Variants in KMT2B observed in about 807,000 individuals in gnomAD.
KMT2B encodes the protein lysine methyltransferase 2B.
KMT2B carries 22 observed loss-of-function variants against 255.3 expected under a neutral mutation model. The observed-to-expected ratio is 0.09, with a 90% CI of 0.06 to 0.12. The LOEUF is 0.12. Among genes scored for constraint, KMT2B ranks in the 10% least tolerant of loss-of-function variants. The pLI, the probability that KMT2B is intolerant of heterozygous loss-of-function variation, is 1.00. For missense variants in KMT2B, 3,149 were observed against 3,737.0 expected, an observed-to-expected ratio of 0.84 and a Z score of 4.10; for synonymous variants, 1,730 against 1,498.1, an observed-to-expected ratio of 1.15 and a Z score of -3.57.
intron 26 of KMT2B, 124 bp from the exon 27 acceptor site, chr19:35,731,784 T>C (rs1969703508): frequency 2.7e-6 from 2 of 749,704 alleles, no homozygotes; most frequent in Admixed American, 4.5e-5. Context: ...CACTGGAAAC[T>C]GGGGCCTGTT....
At chr19:35,734,461 C>T (rs980564649) in intron 30 of KMT2B, among the ~76,000 whole-genome samples, 13 of 152,086 alleles carry the variant, frequency 8.5e-5, no homozygotes, top group African/African-American at 2.9e-4. Context: ...AGCTAAGGAT[C>T]GGGAGCGGGA....
At position 35,725,408 on chromosome 19, in the gene KMT2B, A is replaced by T; in HGVS notation, c.3643-71A>T. On this transcript the variant is annotated intron_variant, in intron 11 of 36. Coordinates refer to ENST00000420124, the MANE Select transcript of KMT2B (RefSeq NM_014727.3). The surrounding 1 kb of genome is among the most constrained non-coding windows in gnomAD (Gnocchi z 4.1). ...ACGGCCTGATTCCTTGGGCCCTCTC[A>T]GCTGGGTCTCATCCCTTGGCCCTCT... is the stretch of plus-strand genomic sequence containing the variant. 6.3e-7 allele frequency: 1 copy of T among 1,587,128 alleles called. No homozygotes were observed. Among genetic ancestry groups the T allele is most frequent in the Non-Finnish European group, 8.6e-7 (1 of 1,166,090 alleles).
Position 35,721,210 on chromosome 19 carries a change from T to TTC in KMT2B, c.1863_1864insTC (p.Pro622SerfsTer39). ...CACTGACCCGGGAGCTGCCCCCTCC[T>TTC]CCCCCAGCCCCTCCACCTCCCCCGG... is the stretch of plus-strand genomic sequence containing the variant. On this transcript the variant is annotated frameshift_variant, in exon 3 of 37. Transcript: ENST00000420124. LOFTEE classifies it high-confidence loss of function. The TTC allele has an allele frequency of 2.5e-6, 2 of 810,684 alleles. No homozygotes were observed. Among genetic ancestry groups the TTC allele is most frequent in the Non-Finnish European group, 3.2e-6 (2 of 624,116 alleles). 50.2% of individuals were successfully genotyped at this position (810,684 alleles called of 1,614,324 possible). A position where few individuals can be genotyped will look rare whatever the true frequency, so the allele number is the denominator to read the frequency against.
Position 35,737,035 on chromosome 19 carries a change from G to A in KMT2B, c.7372+49G>A. ...GCAGGGAGCTGGATGTCTCCCCGAG[G>A]GCACCATGGGCCCTCCACATGACAG... On this transcript the variant is annotated intron_variant, in intron 32 of 36. Coordinates refer to ENST00000420124, the MANE Select transcript of KMT2B (RefSeq NM_014727.3). The surrounding 1 kb of genome is among the most constrained non-coding windows in gnomAD (Gnocchi z 5.3). The A allele has an allele frequency of 2.5e-6, 4 of 1,610,214 alleles. No individual in the cohort carries two copies. The highest frequency in any genetic ancestry group is 3.4e-6 in the Non-Finnish European group (4 of 1,178,048).
At position 35,733,303 on chromosome 19, in the gene KMT2B, GCCCCGCCCCCGCCA is replaced by G; in HGVS notation, c.6759_6772del (p.Pro2254SerfsTer44). 7.5e-7 allele frequency: 1 copy of G among 1,340,092 alleles called. No individual in the cohort carries two copies. The highest frequency in any genetic ancestry group is 1.0e-6 in the Non-Finnish European group (1 of 961,260). The allele number at this position is 1,340,092 out of a possible 1,614,324, so 83.0% of individuals were successfully genotyped here. A position where few individuals can be genotyped will look rare whatever the true frequency, so the allele number is the denominator to read the frequency against. On this transcript the variant is annotated frameshift_variant, in exon 28 of 37. Coordinates refer to ENST00000420124, the MANE Select transcript of KMT2B (RefSeq NM_014727.3). LOFTEE classifies it high-confidence loss of function. The surrounding 1 kb of genome is among the most constrained non-coding windows in gnomAD (Gnocchi z 4.3). Reference sequence around the variant, plus strand: ...GCCCGTGGTCGGAGTGGTCCGCCCTGCCCCGCCCCCGCCACCCCCTCCCCTGACGCTGGTGCTGA... The same window carrying G: ...GCCCGTGGTCGGAGTGGTCCGCCCTGCCCCCTCCCCTGACGCTGGTGCTGA...
Position 35,730,934 on chromosome 19 carries a change from C to G in KMT2B, c.5437+67C>G, listed in dbSNP as rs149501384. The G allele has an allele frequency of 4.6e-3, 6,750 of 1,464,918 alleles. 79 individuals carry two copies. Among genetic ancestry groups the G allele is most frequent in the Non-Finnish European group, 4.7e-3 (5,167 of 1,101,392 alleles). The allele number at this position is 1,464,918 out of a possible 1,614,324, so 90.7% of individuals were successfully genotyped here. A position where few individuals can be genotyped will look rare whatever the true frequency, so the allele number is the denominator to read the frequency against. On this transcript the variant is annotated intron_variant, in intron 26 of 36. Transcript: ENST00000420124. Reference sequence around the variant, plus strand: ...CTAAACAAACCTACAGATCTCTGTTCCCCGCTCCCTTTTGGAAAGTCCAGG... The same window carrying G: ...CTAAACAAACCTACAGATCTCTGTTGCCCGCTCCCTTTTGGAAAGTCCAGG...
In KMT2B at chr19:35,718,788, C is replaced by T. The variant is rs770877946; in HGVS notation, c.363+407C>T. 3.3e-5 allele frequency among the ~76,000 whole-genome samples: 5 copies of T among 152,164 alleles called. No homozygotes were observed. The highest frequency in any genetic ancestry group is 2.6e-4 in the Admixed American group (4 of 15,266). On this transcript the variant is annotated intron_variant, in intron 1 of 36. Coordinates refer to ENST00000420124, the MANE Select transcript of KMT2B (RefSeq NM_014727.3). This position sits in a 1 kb window ranked among gnomAD's most constrained non-coding sequence, Gnocchi z 5.0. ...ACCTGTGGGCCGCCCCGCCGGGCCT[C>T]GCAACCTCCTGGTTTCTCCAGGGCC...
rs1426611662 is a variant in KMT2B, at chr19:35,719,536, A to G, written c.431A>G (p.Gln144Arg). Reference protein sequence around the residue: ...PSSLRSALRSQRGRAPRGRGR... With the variant: ...PSSLRSALRSRRGRAPRGRGR... ...TCCCTGCGCTCTGCGCTCCGATCCC[A>G]GCGAGGTGAGTGACGGGGGAACTCC... Residue 144 changes from glutamine (Q) to arginine (R), a missense_variant, in exon 2 of 37, where the codon CAG becomes CGG. Transcript: ENST00000420124. The G allele has an allele frequency of 5.7e-6, 9 of 1,588,110 alleles. No homozygotes were observed. Among genetic ancestry groups the G allele is most frequent in the Non-Finnish European group, 7.7e-6 (9 of 1,167,254 alleles).
rs973051945 is a variant in KMT2B at position 35,721,126 on chromosome 19, A to C, written c.1779A>C (p.Pro593=). Residue 593 remains proline (P), a synonymous_variant, in exon 3 of 37, where the codon CCA becomes CCC. Transcript: ENST00000420124. ...GTGCCCCAACTCCTCCATCTACCCCAGTTCCACTCCCTGAGAAGAGACGGT... is the reference window on the plus strand; with the variant it reads ...GTGCCCCAACTCCTCCATCTACCCCCGTTCCACTCCCTGAGAAGAGACGGT... ...PPRAPTPPST[P]VPLPEKRRSI... The C allele has an allele frequency of 6.3e-7, 1 of 1,579,438 alleles. No homozygotes were observed. The highest frequency in any genetic ancestry group is 8.6e-7 in the Non-Finnish European group (1 of 1,167,232).
At chr19:35,734,007 A>AC in intron 30 of KMT2B, 135 bp downstream of exon 30, 1 of 635,316 alleles carries the variant, frequency 1.6e-6, no homozygotes, top group South Asian at 2.0e-5. Context: ...TGCTAGAGTT[A>AC]GAGATGACCT....
In KMT2B at chr19:35,725,205, C is replaced by G; in HGVS notation, c.3529-15C>G. ...GCCTGGCGGCCCTCTGATCCTGCAT[C>G]CTCTCTTCCCCCAGGAGGATTGTGA... On this transcript the variant is annotated splice_polypyrimidine_tract_variant and intron_variant, in intron 10 of 36. Transcript: ENST00000420124. The surrounding 1 kb of genome is among the most constrained non-coding windows in gnomAD (Gnocchi z 4.1). 6.2e-7 allele frequency: 1 copy of G among 1,609,392 alleles called. No individual in the cohort carries two copies. Among genetic ancestry groups the G allele is most frequent in the Non-Finnish European group, 8.5e-7 (1 of 1,176,312 alleles).
chr19:35,722,558 TC>T lies in KMT2B; in HGVS notation c.2572-9del. ...CAAGCTGCCCACACACACTCCGATT[TC>T]TCCCCCAGGGTCCCGAGTCCCCTGT... On this transcript the variant is annotated splice_polypyrimidine_tract_variant and intron_variant, in intron 4 of 36. Transcript: ENST00000420124. 1 of 1,600,130 alleles carries T rather than the reference TC, an allele frequency of 6.2e-7. No homozygotes were observed. The highest frequency in any genetic ancestry group is 8.5e-7 in the Non-Finnish European group (1 of 1,174,492).
chr19:35,726,798 A>G (rs941041841), intron 14 of KMT2B, among the ~76,000 whole-genome samples: 4 of 152,132 alleles, frequency 2.6e-5, no homozygotes, highest in East Asian at 1.9e-4. Context: ...AGCCTGGCCA[A>G]CATGGTGAAA....
chr19:35,722,256 G>A, intron 3 of KMT2B, 103 bp from the exon 4 acceptor site: 2 of 1,205,344 alleles, frequency 1.7e-6, no homozygotes, highest in Non-Finnish European at 2.3e-6. Flanking sequence ...GCCCGTCTCG[G>A]CCTCCCAAAG....
At position 35,733,798 on chromosome 19, in the gene KMT2B, C is replaced by T. The variant is rs781596697; in HGVS notation, c.7085C>T (p.Pro2362Leu). 1.4e-5 allele frequency: 22 copies of T among 1,613,592 alleles called. No homozygotes were observed. Among genetic ancestry groups the T allele is most frequent in the Admixed American group, 1.2e-4 (7 of 59,982 alleles). ...LQERSPLLPLPEDGPPQVPDG... is the reference protein window; with the variant it reads ...LQERSPLLPLLEDGPPQVPDG... ...GAACGGTCCCCTTTGCTGCCACTTC[C>T]GGAAGATGGTCCTCCCCAGGTCCCC... The change falls in exon 30 of 37, where the codon CCG becomes CTG. Residue 2362 changes from proline (P) to leucine (L), a missense_variant. Coordinates refer to ENST00000420124, the MANE Select transcript of KMT2B (RefSeq NM_014727.3). The surrounding 1 kb of genome is among the most constrained non-coding windows in gnomAD (Gnocchi z 4.3).
Position 35,723,580 on chromosome 19 carries a change from C to A in KMT2B, c.3058+78C>A. On this transcript the variant is annotated intron_variant, in intron 7 of 36. Coordinates refer to ENST00000420124, the MANE Select transcript of KMT2B (RefSeq NM_014727.3). The surrounding 1 kb of genome is among the most constrained non-coding windows in gnomAD (Gnocchi z 7.5). ...GTGGAGGGAGCTGTTTTTCTTTGCT[C>A]TCCTCCCTTGCAGCTCACCCTCTCC... is the stretch of plus-strand genomic sequence containing the variant. 1 of 1,392,494 alleles carries A rather than the reference C, an allele frequency of 7.2e-7. No homozygotes were observed. The allele number at this position is 1,392,494 out of a possible 1,614,324, so 86.3% of individuals were successfully genotyped here. A position where few individuals can be genotyped will look rare whatever the true frequency, so the allele number is the denominator to read the frequency against.
chr19:35,722,212 C>T (rs1040076322), intron 3 of KMT2B, 147 bp from the exon 4 acceptor site: 44 of 798,190 alleles, frequency 5.5e-5, no homozygotes, highest in Non-Finnish European at 7.3e-5. Flanking sequence ...ACCACATTGG[C>T]TAGGCTGGTC....
chr19:35,720,888 C>T lies in KMT2B; in HGVS notation c.1541C>T (p.Ala514Val). The T allele has an allele frequency of 1.2e-6, 2 of 1,600,922 alleles. No homozygotes were observed. Among genetic ancestry groups the T allele is most frequent in the South Asian group, 1.1e-5 (1 of 88,340 alleles). ...GGPPEDSPTV[A>V]PKSTTFLKNI... ...CCTCCGGAAGACAGTCCCACCGTGG[C>T]CCCCAAAAGCACCACCTTCCTGAAG... The change falls in exon 3 of 37, where the codon GCC becomes GTC. Residue 514 changes from alanine to valine, a missense_variant. Around this residue, in one of 18 missense-constraint regions of KMT2B, gnomAD observed 1,188 missense variants for 1,106.4 expected, o/e 1.07. Transcript: ENST00000420124.
intron 19 of KMT2B, among the ~76,000 whole-genome samples, 199 bp from the exon 20 acceptor site, chr19:35,728,573 GAA>G (rs1969560604): frequency 1.3e-5 from 2 of 152,200 alleles, no homozygotes; most frequent in African/African-American, 4.8e-5. Flanking sequence ...AGCTGGGGAG[GAA>G]GAGTATTGCA....
Sources: gnomAD v4.1 joint callset for allele counts (sites outside exome capture counted in the v4.1 genomes callset) on GRCh38, gnomAD v4.1.1 for gene constraint, gnomAD v4.1.1 regional missense constraint, Gnocchi (gnomAD v3.1) non-coding constraint, MANE v1.5 for transcripts, NCBI Gene and HGNC (gene_info 2026-07-23, HGNC 2026-07-21) for gene names.